Variants in LRRC7 observed in about 807,000 individuals in gnomAD.
The protein encoded by LRRC7 is leucine rich repeat containing 7.
A neutral mutation model predicts 175.7 loss-of-function variants in LRRC7; 23 were observed. The ratio of observed to expected loss-of-function variants is 0.13; its 90% CI spans 0.09 to 0.19. The LOEUF (loss-of-function observed/expected upper bound fraction) is 0.19. Ranked by LOEUF, LRRC7 falls within the 10% of genes least tolerant of loss-of-function variation. LRRC7 has a pLI of 1.00. For synonymous variants in LRRC7, 685 were observed against 680.9 expected (o/e 1.01, Z -0.09); for missense variants, 1,354 against 1,904.7 (o/e 0.71, Z 5.38).
chr1:69,798,662 A>G (rs1676091878), intron 4 of LRRC7, among the ~76,000 whole-genome samples: 1 of 152,218 alleles, frequency 6.6e-6, no homozygotes, highest in African/African-American at 2.4e-5. Context: ...AGTAAATAAA[A>G]GGTTAGAGAA....
At chr1:70,045,092 C>T (rs1209438923) in intron 22 of LRRC7, among the ~76,000 whole-genome samples, 1 of 151,752 alleles carries the variant, frequency 6.6e-6, no homozygotes, top group Non-Finnish European at 1.5e-5. Context: ...AAACTGTGGA[C>T]AGTTTGGTTC....
chr1:69,967,779 A>G (rs1651806873), intron 8 of LRRC7, among the ~76,000 whole-genome samples: 1 of 152,174 alleles, frequency 6.6e-6, no homozygotes, highest in African/African-American at 2.4e-5. Context: ...GGAAACACCC[A>G]TGGGTAAAAA....
chr1:69,928,056 TG>T (rs1647145279), intron 7 of LRRC7, among the ~76,000 whole-genome samples: 1 of 152,204 alleles, frequency 6.6e-6, no homozygotes, highest in Non-Finnish European at 1.5e-5. Context: ...TGTTGGAGTT[TG>T]CTAGAGGTCC....
chr1:69,966,261 A>G (rs1651657686), intron 8 of LRRC7, among the ~76,000 whole-genome samples: 2 of 152,164 alleles, frequency 1.3e-5, no homozygotes, highest in South Asian at 2.1e-4. Context: ...TTAAAATTTT[A>G]ATTTTAAAAC....
intron 7 of LRRC7, among the ~76,000 whole-genome samples, chr1:69,844,445 T>A (rs1338051094): frequency 6.6e-6 from 1 of 152,162 alleles, no homozygotes; most frequent in African/African-American, 2.4e-5. Context: ...GAACGTGCAG[T>A]ATTTGTCCTT....
In LRRC7 at chr1:69,822,325, A is replaced by C. The variant is rs1186694517; in HGVS notation, c.422-3423A>C. On this transcript the variant is annotated intron_variant, in intron 4 of 26. Transcript: ENST00000651989. ...CAAGTGCTCACACTCTCTGTCAGGCACATGAAAGGAGCTAGCTACAGTTAT... is the reference window on the plus strand; with the variant it reads ...CAAGTGCTCACACTCTCTGTCAGGCCCATGAAAGGAGCTAGCTACAGTTAT... Among the ~76,000 whole-genome samples the C allele has an allele frequency of 3.9e-5, 6 of 152,334 alleles. No homozygotes were observed. The East Asian group carries it at 1.2e-3, about 29-fold the overall frequency.
chr1:69,571,876 A>G (rs994860194), intron 1 of LRRC7, among the ~76,000 whole-genome samples: 4 of 152,110 alleles, frequency 2.6e-5, no homozygotes, highest in Non-Finnish European at 5.9e-5. Flanking sequence ...TCTTCACACA[A>G]ATTATTTCAT....
chr1:70,058,794 A>T (rs967706403), intron 23 of LRRC7, among the ~76,000 whole-genome samples: 2 of 152,242 alleles, frequency 1.3e-5, no homozygotes, highest in Non-Finnish European at 1.5e-5. Flanking sequence ...AGGTGATACT[A>T]TAAAAGATAA....
chr1:69,646,764 A>G (rs542572180), intron 1 of LRRC7, among the ~76,000 whole-genome samples: 3 of 152,306 alleles, frequency 2.0e-5, no homozygotes, highest in African/African-American at 7.2e-5. Context: ...CCTCTATAGT[A>G]GTGCTTATCA....
chr1:69,962,076 T>C (rs1651154212), intron 8 of LRRC7, among the ~76,000 whole-genome samples: 1 of 152,106 alleles, frequency 6.6e-6, no homozygotes, highest in African/African-American at 2.4e-5. Flanking sequence ...GAGAAAAATT[T>C]TGCAAACTAT....
chr1:70,028,832 AGAG>A (rs1421927385), intron 18 of LRRC7, among the ~76,000 whole-genome samples: 2 of 152,212 alleles, frequency 1.3e-5, no homozygotes, highest in African/African-American at 2.4e-5. Context: ...AACAATAAAA[AGAG>A]GACATAACTT....
Position 70,044,007 on chromosome 1 carries a change from T to C in LRRC7, c.4023T>C (p.Gly1341=). 1 of 1,613,456 alleles carries C rather than the reference T, an allele frequency of 6.2e-7. No individual in the cohort carries two copies. Among genetic ancestry groups the C allele is most frequent in the Non-Finnish European group, 8.5e-7 (1 of 1,179,610 alleles). Residue 1341 remains glycine (G), a synonymous_variant, in exon 22 of 27, where the codon GGT becomes GGC. Coordinates refer to ENST00000651989, the MANE Select transcript of LRRC7 (RefSeq NM_001370785.2). The part of the protein sequence containing the change: ...TVNLGMLPYG[G]ISAMHAGRSM... ...ACCTTGGCATGCTGCCCTATGGAGG[T>C]ATTTCAGCAATGCATGCAGGCAGAA...
At chr1:69,725,784 C>T (rs1369090689) in intron 2 of LRRC7, among the ~76,000 whole-genome samples, 1 of 152,192 alleles carries the variant, frequency 6.6e-6, no homozygotes, top group Non-Finnish European at 1.5e-5. Context: ...GCTTCACACT[C>T]CAGGCTCCTG....
intron 2 of LRRC7, among the ~76,000 whole-genome samples, chr1:69,756,443 A>T (rs996889498): frequency 6.6e-6 from 1 of 151,980 alleles, no homozygotes; most frequent in East Asian, 1.9e-4. Context: ...CTAGTATGAT[A>T]GATTAAAAAA....
intron 8 of LRRC7, among the ~76,000 whole-genome samples, chr1:69,946,577 T>G (rs937901594): frequency 6.6e-6 from 1 of 152,156 alleles, no homozygotes; most frequent in African/African-American, 2.4e-5. Context: ...TATTTAGATA[T>G]TCTGATATCG....
At chr1:69,875,646 A>C (rs1010516577) in intron 7 of LRRC7, among the ~76,000 whole-genome samples, 2 of 152,106 alleles carry the variant, frequency 1.3e-5, no homozygotes, top group Non-Finnish European at 2.9e-5. Flanking sequence ...TATGCATACC[A>C]GTTTAACAAA....
intron 18 of LRRC7, among the ~76,000 whole-genome samples, chr1:70,033,283 C>T (rs1282957581): frequency 6.6e-6 from 1 of 151,576 alleles, no homozygotes; most frequent in Admixed American, 6.6e-5. Context: ...ATCTGCAGAA[C>T]AAAAAATGAT....
chr1:69,750,314 G>A (rs1669726301), intron 2 of LRRC7, among the ~76,000 whole-genome samples: 1 of 151,088 alleles, frequency 6.6e-6, no homozygotes, highest in African/African-American at 2.4e-5. Context: ...ATATTTAAAA[G>A]ATTTAGAATG....
chr1:69,588,830 C>T (rs1362922214), intron 1 of LRRC7, among the ~76,000 whole-genome samples: 1 of 152,110 alleles, frequency 6.6e-6, no homozygotes, highest in African/African-American at 2.4e-5. Context: ...TTTAAAAAAT[C>T]TATAACTGAT....
Sources: gnomAD v4.1 joint callset for allele counts (sites outside exome capture counted in the v4.1 genomes callset) on GRCh38, gnomAD v4.1.1 for gene constraint, MANE v1.5 for transcripts, NCBI Gene and HGNC (gene_info 2026-07-23, HGNC 2026-07-21) for gene names.